Variants in RBFOX1 observed in about 807,000 individuals in gnomAD.
The protein encoded by RBFOX1 is RNA binding protein fox-1 homolog 1.
A neutral mutation model predicts 57.7 loss-of-function variants in RBFOX1; 8 were observed. The observed-to-expected ratio is 0.14, with a 90% confidence interval of 0.08 to 0.25. The LOEUF (loss-of-function observed/expected upper bound fraction) is 0.25, where lower values mean the gene tolerates loss of function less well. Ranked by LOEUF, RBFOX1 falls within the 10% of genes least tolerant of loss-of-function variation. The pLI, the probability that RBFOX1 is intolerant of heterozygous loss-of-function variation, is 1.00. For synonymous variants in RBFOX1, 326 were observed against 222.4 expected, an observed-to-expected ratio of 1.47 and a Z score of -4.15; for missense variants, 611 against 548.5, an observed-to-expected ratio of 1.11 and a Z score of -1.14.
intron 2 of RBFOX1, among the ~76,000 whole-genome samples, chr16:6,488,098 T>C (rs1473391413): frequency 6.6e-6 from 1 of 152,134 alleles, no homozygotes; most frequent in Non-Finnish European, 1.5e-5. Context: ...AGGTGCACTA[T>C]TTGCCCAATG....
chr16:5,913,586 G>A (rs539722979), intron 4 of RBFOX1, among the ~76,000 whole-genome samples: 9 of 152,300 alleles, frequency 5.9e-5, no homozygotes, highest in African/African-American at 2.2e-4. Flanking sequence ...GCAGATGCTG[G>A]AGCCATGCTT....
chr16:5,335,926 A>T (rs993609891), intron 1 of RBFOX1, among the ~76,000 whole-genome samples: 1 of 152,206 alleles, frequency 6.6e-6, no homozygotes, highest in African/African-American at 2.4e-5. Context: ...TGAGCCAGGT[A>T]CTGGGTCAAG....
At chr16:6,881,416 A>T (rs2062906049) in intron 3 of RBFOX1, among the ~76,000 whole-genome samples, 1 of 152,170 alleles carries the variant, frequency 6.6e-6, no homozygotes, top group Non-Finnish European at 1.5e-5. Context: ...AGGTGTTGGC[A>T]AGATTGGTTC....
At chr16:5,547,960 G>A (rs2045284724) in intron 2 of RBFOX1, among the ~76,000 whole-genome samples, 1 of 151,744 alleles carries the variant, frequency 6.6e-6, no homozygotes, top group South Asian at 2.1e-4. Flanking sequence ...AGGAGTTCCA[G>A]ATCAGCCTGG....
chr16:6,117,285 A>C (rs1489365041), intron 1 of RBFOX1, among the ~76,000 whole-genome samples: 1 of 138,122 alleles, frequency 7.2e-6, no homozygotes, highest in African/African-American at 3.0e-5. Context: ...CTAAACGTAC[A>C]AAAAAAAATA....
Position 5,483,568 on chromosome 16 carries a change from C to G in RBFOX1, c.258+16314C>G, listed in dbSNP as rs75941386. ...TATCCCAGCCACCGTAGCTGTCAGGCTCTGCATTTTGAAGTGTGAAATACG... is the reference window on the plus strand; with the variant it reads ...TATCCCAGCCACCGTAGCTGTCAGGGTCTGCATTTTGAAGTGTGAAATACG... On this transcript the variant is annotated intron_variant, in intron 2 of 2. Transcript: ENST00000585867. Among the ~76,000 whole-genome samples the G allele has an allele frequency of 7.4e-3, 1,120 of 152,310 alleles. 13 individuals carry two copies. Among genetic ancestry groups the G allele is most frequent in the African/African-American group, 0.025 (1,047 of 41,574 alleles).
At chr16:6,464,550 C>G (rs1462362830) in intron 2 of RBFOX1, among the ~76,000 whole-genome samples, 15 of 152,142 alleles carry the variant, frequency 9.9e-5, no homozygotes, top group Admixed American at 8.5e-4. Context: ...ATGCATTTGC[C>G]TGACATTTGA....
chr16:6,867,345 C>A (rs113742284), intron 3 of RBFOX1, among the ~76,000 whole-genome samples: 1 of 151,936 alleles, frequency 6.6e-6, no homozygotes, highest in South Asian at 2.1e-4. Context: ...CAAGGAATAA[C>A]CTCTCTTGGG....
intron 3 of RBFOX1, among the ~76,000 whole-genome samples, chr16:6,729,172 G>C (rs1042955277): frequency 3.3e-5 from 5 of 152,016 alleles, no homozygotes; most frequent in African/African-American, 9.7e-5. Context: ...GTTTTCATCT[G>C]TCTTTCCAAA....
intron 4 of RBFOX1, among the ~76,000 whole-genome samples, chr16:7,182,302 G>C (rs1409477145): frequency 6.6e-6 from 1 of 152,008 alleles, no homozygotes; most frequent in Non-Finnish European, 1.5e-5. Flanking sequence ...AATTCCGAGA[G>C]TCACCTGCCC....
rs373335272 is a variant in RBFOX1 at position 7,052,163 on chromosome 16, T to A, written c.27+65T>A. On this transcript the variant is annotated intron_variant, in intron 4 of 15. Coordinates refer to ENST00000550418, the MANE Select transcript of RBFOX1 (RefSeq NM_018723.4). ...TTTTGTGTGATAAGCAAAAATTTCC[T>A]TGTCTCTCCCAAGACACGGGTTCTA... 3.9e-5 allele frequency: 61 copies of A among 1,564,936 alleles called. No individual in the cohort carries two copies. In the African/African-American group the frequency reaches 7.8e-4, roughly 20 times the overall value.
chr16:6,958,094 C>A (rs2082239815), intron 3 of RBFOX1, among the ~76,000 whole-genome samples: 1 of 149,916 alleles, frequency 6.7e-6, no homozygotes, highest in Non-Finnish European at 1.5e-5. Flanking sequence ...AAGGCAGCGG[C>A]TTGTGAGCTG....
Position 5,775,433 on chromosome 16 carries a change from C to G in RBFOX1, c.319-91870C>G, listed in dbSNP as rs2054115341. On this transcript the variant is annotated intron_variant, in intron 3 of 19. Coordinates refer to the RBFOX1 transcript ENST00000641259. Reference sequence around the variant, plus strand: ...GGGACTGATGCAAGCCAGGCTAGGACTGCTCAGAAGGCAGGGGAAAGTAAC... The same window carrying G: ...GGGACTGATGCAAGCCAGGCTAGGAGTGCTCAGAAGGCAGGGGAAAGTAAC... Among the ~76,000 whole-genome samples, 3 of 152,218 alleles carry G rather than the reference C, an allele frequency of 2.0e-5. No homozygotes were observed. In the South Asian group the frequency reaches 6.2e-4, roughly 31 times the overall value.
At chr16:6,532,263 C>A (rs74005264) in intron 2 of RBFOX1, among the ~76,000 whole-genome samples, 1 of 152,122 alleles carries the variant, frequency 6.6e-6, no homozygotes, top group Non-Finnish European at 1.5e-5. Context: ...AATGGGGGAG[C>A]TGTAACTTCT....
intron 4 of RBFOX1, among the ~76,000 whole-genome samples, chr16:7,052,977 C>T (rs1221073367): frequency 1.3e-5 from 2 of 152,118 alleles, no homozygotes; most frequent in African/African-American, 4.8e-5. Context: ...CTTTTAAAAC[C>T]ACAACAGTGG....
At chr16:6,901,464 C>A (rs1408862797) in intron 3 of RBFOX1, among the ~76,000 whole-genome samples, 1 of 152,130 alleles carries the variant, frequency 6.6e-6, no homozygotes, top group Admixed American at 6.5e-5. Flanking sequence ...CCTATGTCTG[C>A]CCCTACGACT....
intron 1 of RBFOX1, among the ~76,000 whole-genome samples, chr16:6,044,884 G>C (rs192064562): frequency 5.6e-4 from 85 of 152,304 alleles, no homozygotes; most frequent in African/African-American, 1.7e-3. Context: ...TTTACCTTTA[G>C]AATGAGAGTT....
intron 1 of RBFOX1, among the ~76,000 whole-genome samples, chr16:5,401,429 A>G (rs1378264987): frequency 6.6e-6 from 1 of 152,138 alleles, no homozygotes; most frequent in Non-Finnish European, 1.5e-5. Context: ...TTTGCCCATC[A>G]GGTCTTATGC....
intron 2 of RBFOX1, among the ~76,000 whole-genome samples, chr16:6,501,225 G>A (rs1304521556): frequency 4.1e-5 from 6 of 145,964 alleles, no homozygotes; most frequent in Non-Finnish European, 7.4e-5. Context: ...GTGCCATGTT[G>A]GTGTGCTGCA....
Sources: allele counts gnomAD v4.1 joint callset (sites outside exome capture counted in the v4.1 genomes callset), GRCh38; gene constraint gnomAD v4.1.1; transcripts MANE v1.5; gene names NCBI Gene and HGNC (gene_info 2026-07-23, HGNC 2026-07-21).